The following EMCN variants were observed in gnomAD, a reference collection of about 807,000 sequenced individuals.
EMCN encodes endomucin.
Under a neutral mutation model 38.4 loss-of-function variants are expected in EMCN, and 37 were observed. The ratio of observed to expected loss-of-function variants is 0.96; its 90% CI spans 0.74 to 1.27. EMCN has a LOEUF of 1.27. Ranked by LOEUF, EMCN falls within the 50% of genes most tolerant of loss-of-function variation. EMCN has a pLI of 0.00. For missense variants in EMCN, 318 were observed against 302.8 expected, an observed-to-expected ratio of 1.05 and a Z score of -0.37; for synonymous variants, 95 against 100.8, an observed-to-expected ratio of 0.94 and a Z score of 0.35.
Position 100,423,402 on chromosome 4 carries a change from T to C in EMCN, c.418A>G (p.Ser140Gly), listed in dbSNP as rs1213399113. Residue 140 changes from serine to glycine, a missense_variant and splice_region_variant, in exon 6 of 12, where the codon AGT (serine) becomes GGT (glycine). Ser to Gly is a moderately conservative substitution (Grantham distance 56). Coordinates refer to ENST00000296420, the MANE Select transcript of EMCN (RefSeq NM_016242.4). Reference protein sequence around the residue: ...SSIKTTEIPGSVLQPDASPSK... With the variant: ...SSIKTTEIPGGVLQPDASPSK... ...GGTGATGCATCTGGTTGTAGAACAC[T>C]ACCTGTATGAAAATTACAAATGCAG... is the stretch of plus-strand genomic sequence containing the variant. The C allele has an allele frequency of 1.2e-6, 2 of 1,604,882 alleles. No homozygotes were observed. Among genetic ancestry groups the C allele is most frequent in the African/African-American group, 2.7e-5 (2 of 74,702 alleles).
chr4:100,456,387 T>A (rs991823502), intron 4 of EMCN, among the ~76,000 whole-genome samples: 4 of 152,194 alleles, frequency 2.6e-5, no homozygotes, highest in African/African-American at 9.7e-5. Context: ...TTATTTATTT[T>A]TTCTGCCTTA....
At chr4:100,405,769 T>G (rs1267292169) in intron 11 of EMCN, among the ~76,000 whole-genome samples, 1 of 151,776 alleles carries the variant, frequency 6.6e-6, no homozygotes, top group Admixed American at 6.6e-5. Context: ...TTTCTTCTCG[T>G]TTTTTTGGAA....
intron 1 of EMCN, among the ~76,000 whole-genome samples, chr4:100,508,830 A>G (rs1200955299): frequency 1.3e-5 from 2 of 152,224 alleles, no homozygotes; most frequent in African/African-American, 2.4e-5. Flanking sequence ...AACAGTCACT[A>G]TAATTCAAAG....
chr4:100,480,771 C>T (rs1728785936), intron 1 of EMCN, among the ~76,000 whole-genome samples: 1 of 151,668 alleles, frequency 6.6e-6, no homozygotes, highest in Non-Finnish European at 1.5e-5. Flanking sequence ...CATTTTGATC[C>T]ATATTATATA....
rs1726144472 is a variant in EMCN at position 100,397,284 on chromosome 4, C to T, written c.*1129G>A. 6.6e-6 allele frequency: 1 copy of T among 152,154 alleles called. No individual in the cohort carries two copies. The highest frequency in any genetic ancestry group is 1.5e-5 in the Non-Finnish European group (1 of 68,026). The allele number at this position is 152,154 out of a possible 1,614,324, so 9.4% of individuals were successfully genotyped here. A position where few individuals can be genotyped will look rare whatever the true frequency, so the allele number is the denominator to read the frequency against. On this transcript the variant is annotated 3_prime_UTR_variant, in exon 12 of 12. Transcript: ENST00000296420. ...TTCCAAAAAACCTCAGCCAACTTGA[C>T]ACTTTGATCTCACATGTCAAAAAAG...
rs76326374 is a variant in EMCN at position 100,471,335 on chromosome 4, G to A, written c.259+3703C>T. ...TGAACAACTATATGCCGACAAATTA[G>A]ATAATCTAGATTAAATGGGCAAATT... is the stretch of plus-strand genomic sequence containing the variant. On this transcript the variant is annotated intron_variant, in intron 3 of 11. Transcript: ENST00000296420. Among the ~76,000 whole-genome samples the A allele has an allele frequency of 9.8e-3, 1,483 of 151,830 alleles. 27 individuals are homozygous for A. Among genetic ancestry groups the A allele is most frequent in the African/African-American group, 0.034 (1,401 of 41,494 alleles).
intron 4 of EMCN, among the ~76,000 whole-genome samples, chr4:100,463,468 C>T (rs1560625823): frequency 6.6e-6 from 1 of 152,096 alleles, no homozygotes; most frequent in East Asian, 1.9e-4. Flanking sequence ...CATTTTCTTT[C>T]CTTCTGTTTT....
intron 1 of EMCN, among the ~76,000 whole-genome samples, chr4:100,482,310 T>C (rs138128183): frequency 6.6e-6 from 1 of 152,264 alleles, no homozygotes; most frequent in East Asian, 1.9e-4. Context: ...TGTGTGTGTG[T>C]GTTGTGTGTA....
intron 1 of EMCN, among the ~76,000 whole-genome samples, chr4:100,486,007 G>A (rs530973909): frequency 6.6e-6 from 1 of 152,240 alleles, no homozygotes; most frequent in African/African-American, 2.4e-5. Flanking sequence ...ATTTTAAAAT[G>A]TGTGTTTTTC....
intron 1 of EMCN, among the ~76,000 whole-genome samples, chr4:100,506,173 A>G (rs552825926): frequency 2.6e-5 from 4 of 152,348 alleles, no homozygotes; most frequent in African/African-American, 4.8e-5. Context: ...AATTATTTAT[A>G]GTAACATTTT....
intron 11 of EMCN, among the ~76,000 whole-genome samples, chr4:100,403,904 C>G (rs952063134): frequency 3.3e-5 from 5 of 152,004 alleles, no homozygotes; most frequent in Non-Finnish European, 7.4e-5. Context: ...GTCCTTTGCC[C>G]ATTTTTTAAT....
At chr4:100,438,383 GT>G (rs902580079) in intron 5 of EMCN, among the ~76,000 whole-genome samples, 13 of 151,836 alleles carry the variant, frequency 8.6e-5, no homozygotes, top group Admixed American at 3.3e-4. Flanking sequence ...AAATGAAATT[GT>G]TTTTTTCAGT....
intron 7 of EMCN, 32 bp downstream of exon 7, chr4:100,422,989 C>G: frequency 1.2e-6 from 2 of 1,604,116 alleles, no homozygotes; most frequent in Non-Finnish European, 1.7e-6. Context: ...TGCATATCTA[C>G]TGCCATGAAT....
intron 4 of EMCN, among the ~76,000 whole-genome samples, chr4:100,463,761 T>C (rs954006080): frequency 6.6e-6 from 1 of 152,166 alleles, no homozygotes; most frequent in African/African-American, 2.4e-5. Context: ...ATGTCATGTT[T>C]TGTGTATGGC....
At chr4:100,402,369 G>C (rs539177140) in intron 11 of EMCN, among the ~76,000 whole-genome samples, 1 of 152,128 alleles carries the variant, frequency 6.6e-6, no homozygotes, top group East Asian at 1.9e-4. Flanking sequence ...GTTTCATGAG[G>C]GTTCAAGACT....
chr4:100,415,763 A>G, intron 10 of EMCN, 135 bp downstream of exon 10: 1 of 585,130 alleles, frequency 1.7e-6, no homozygotes, highest in South Asian at 2.2e-5. Context: ...GGAGAATTTT[A>G]CACTTATTGA....
chr4:100,474,690 C>T (rs1036237767), intron 3 of EMCN, among the ~76,000 whole-genome samples: 2 of 152,112 alleles, frequency 1.3e-5, no homozygotes, highest in African/African-American at 2.4e-5. Context: ...ACTACAGATA[C>T]ATGTTACAAC....
At chr4:100,466,106 T>A (rs914118342) in intron 3 of EMCN, among the ~76,000 whole-genome samples, 4 of 151,914 alleles carry the variant, frequency 2.6e-5, no homozygotes, top group Non-Finnish European at 5.9e-5. Context: ...GAAAAAAAAA[T>A]TTACAACAAA....
At chr4:100,415,851 T>G (rs1410565285) in intron 10 of EMCN, 47 bp downstream of exon 10, 3 of 1,322,514 alleles carry the variant, frequency 2.3e-6, no homozygotes, top group Non-Finnish European at 1.1e-6. Context: ...TATAGTTAGA[T>G]TCTAAAATAA....
Sources: allele counts gnomAD v4.1 joint callset (sites outside exome capture counted in the v4.1 genomes callset), GRCh38; gene constraint gnomAD v4.1.1; transcripts MANE v1.5; gene names NCBI Gene and HGNC (gene_info 2026-07-23, HGNC 2026-07-21).